Variants in EPHB1 observed in about 807,000 individuals in gnomAD.
The protein encoded by EPHB1 is ephrin type-B receptor 1.
Under a neutral mutation model 94.4 loss-of-function variants are expected in EPHB1, and 30 were observed. The observed-to-expected ratio is 0.32, with a 90% confidence interval of 0.24 to 0.43. The LOEUF is 0.43. Among genes scored for constraint, EPHB1 ranks in the 20% least tolerant of loss-of-function variants. The pLI, the probability that EPHB1 is intolerant of heterozygous loss-of-function variation, is 1.00. For missense variants in EPHB1, 1,055 were observed against 1,308.3 expected (o/e 0.81, Z 2.99); for synonymous variants, 522 against 489.1 (o/e 1.07, Z -0.89).
At position 134,825,943 on chromosome 3, in the gene EPHB1, C is replaced by A. The variant is rs560770453; in HGVS notation, c.58+30254C>A. Among the ~76,000 whole-genome samples, 11 of 152,156 alleles carry A rather than the reference C, an allele frequency of 7.2e-5. 1 individual carries two copies. In the South Asian group the frequency reaches 2.1e-3, roughly 29 times the overall value. Reference sequence around the variant, plus strand: ...CATTTTATTTTACTTCAACTATCATCTATAAAAGGCAATTGAGACTGGGTG... The same window carrying A: ...CATTTTATTTTACTTCAACTATCATATATAAAAGGCAATTGAGACTGGGTG... On this transcript the variant is annotated intron_variant, in intron 1 of 15. Coordinates refer to ENST00000398015, the MANE Select transcript of EPHB1 (RefSeq NM_004441.5).
intron 15 of EPHB1, among the ~76,000 whole-genome samples, chr3:135,255,127 C>T (rs926786982): frequency 1.5e-4 from 23 of 151,898 alleles, no homozygotes; most frequent in South Asian, 4.2e-4. Flanking sequence ...GTCTTGCTAG[C>T]GGTCTATCAA....
At chr3:134,980,503 C>T (rs753938653) in intron 3 of EPHB1, among the ~76,000 whole-genome samples, 7 of 152,196 alleles carry the variant, frequency 4.6e-5, no homozygotes, top group Non-Finnish European at 1.0e-4. Flanking sequence ...TTTACTTACA[C>T]TCACAAGAAA....
At chr3:134,898,158 GCACA>G (rs2038122951) in intron 1 of EPHB1, among the ~76,000 whole-genome samples, 1 of 152,162 alleles carries the variant, frequency 6.6e-6, no homozygotes, top group Non-Finnish European at 1.5e-5. Flanking sequence ...GGGGGTGACT[GCACA>G]TGGGCCAAGC....
intron 13 of EPHB1, among the ~76,000 whole-genome samples, chr3:135,243,132 C>T (rs985966601): frequency 4.0e-5 from 6 of 151,582 alleles, no homozygotes; most frequent in African/African-American, 1.5e-4. Flanking sequence ...CCATCTTATC[C>T]TGCCCAAGAC....
At chr3:135,156,058 C>T (rs778479879) in intron 6 of EPHB1, among the ~76,000 whole-genome samples, 2 of 151,876 alleles carry the variant, frequency 1.3e-5, no homozygotes, top group South Asian at 2.1e-4. Flanking sequence ...AGTTGGATTT[C>T]GGGCATGGGA....
intron 3 of EPHB1, among the ~76,000 whole-genome samples, chr3:135,076,261 A>G (rs182230709): frequency 4.4e-5 from 5 of 112,580 alleles, no homozygotes; most frequent in East Asian, 4.5e-4. Context: ...ATATATATAT[A>G]ACTCTTAAAT....
chr3:135,156,127 T>C (rs747593184), intron 6 of EPHB1, among the ~76,000 whole-genome samples: 1 of 151,904 alleles, frequency 6.6e-6, no homozygotes, highest in Non-Finnish European at 1.5e-5. Flanking sequence ...AGGTGATCAC[T>C]GTGGGTAGAG....
intron 1 of EPHB1, among the ~76,000 whole-genome samples, chr3:134,802,677 C>T (rs1434524748): frequency 6.6e-6 from 1 of 152,202 alleles, no homozygotes; most frequent in Non-Finnish European, 1.5e-5. Flanking sequence ...CCACTGGTAC[C>T]ATGTAGCATT....
At chr3:134,992,285 A>G (rs528774272) in intron 3 of EPHB1, among the ~76,000 whole-genome samples, 2 of 152,052 alleles carry the variant, frequency 1.3e-5, no homozygotes, top group Non-Finnish European at 2.9e-5. Context: ...GTCTGTTTTC[A>G]GGGCCCTGCT....
At chr3:134,890,086 C>T (rs948896563) in intron 1 of EPHB1, among the ~76,000 whole-genome samples, 9 of 152,158 alleles carry the variant, frequency 5.9e-5, no homozygotes, top group Admixed American at 2.6e-4. Flanking sequence ...ATATACTCTA[C>T]AAACGCAGAG....
intron 9 of EPHB1, among the ~76,000 whole-genome samples, chr3:135,175,135 C>A (rs1029105149): frequency 6.6e-6 from 1 of 152,166 alleles, no homozygotes; most frequent in African/African-American, 2.4e-5. Flanking sequence ...TGACCCTTTC[C>A]AGCCCTCTTC....
rs1040285096 is a variant in EPHB1, at chr3:134,839,212, C to T, written c.58+43523C>T. On this transcript the variant is annotated intron_variant, in intron 1 of 15. Transcript: ENST00000398015. ...CAGGCCAAGGACCAGACTTGTCTTT[C>T]TTCCCTCACTGCCTCCTAATTCTGC... Among the ~76,000 whole-genome samples, 31 of 152,192 alleles carry T rather than the reference C, an allele frequency of 2.0e-4. 1 individual carries two copies. Among genetic ancestry groups the T allele is most frequent in the Admixed American group, 1.4e-3 (21 of 15,274 alleles).
intron 4 of EPHB1, among the ~76,000 whole-genome samples, chr3:135,111,991 G>C (rs1045855596): frequency 4.2e-4 from 64 of 152,344 alleles, no homozygotes; most frequent in African/African-American, 1.5e-3. Context: ...TTTCACTCTT[G>C]AGTGGTCAGA....
In EPHB1 at chr3:135,052,100, A is replaced by C. The variant is rs556505409; in HGVS notation, c.806-54348A>C. Among the ~76,000 whole-genome samples, 3 of 152,354 alleles carry C rather than the reference A, an allele frequency of 2.0e-5. No individual in the cohort carries two copies. In the South Asian group the frequency reaches 6.2e-4, roughly 32 times the overall value. On this transcript the variant is annotated intron_variant, in intron 3 of 15. Coordinates refer to ENST00000398015, the MANE Select transcript of EPHB1 (RefSeq NM_004441.5). ...TCCTAGGAAAGCAAGATTTGGCTCT[A>C]TTTGAGCATTTAGAGAAAAAATTCC...
chr3:135,030,052 C>T (rs899312832), intron 3 of EPHB1, among the ~76,000 whole-genome samples: 1 of 150,992 alleles, frequency 6.6e-6, no homozygotes, highest in African/African-American at 2.4e-5. Flanking sequence ...ACGTAGTTCT[C>T]GAGCCTTGGT....
intron 3 of EPHB1, among the ~76,000 whole-genome samples, chr3:135,068,287 T>C (rs1038709156): frequency 2.0e-5 from 3 of 152,234 alleles, no homozygotes; most frequent in African/African-American, 7.2e-5. Flanking sequence ...CATTTTACAT[T>C]CCAGCAATGT....
At chr3:134,880,815 G>T (rs911655280) in intron 1 of EPHB1, among the ~76,000 whole-genome samples, 1 of 152,250 alleles carries the variant, frequency 6.6e-6, no homozygotes, top group African/African-American at 2.4e-5. Context: ...AATCCCAAGT[G>T]TGTCTTCACA....
At chr3:135,120,535 A>C (rs569796573) in intron 4 of EPHB1, among the ~76,000 whole-genome samples, 1 of 152,228 alleles carries the variant, frequency 6.6e-6, no homozygotes, top group African/African-American at 2.4e-5. Context: ...CTGACCACCA[A>C]GGTTTCATTG....
At chr3:135,034,015 T>C (rs1006632166) in intron 3 of EPHB1, among the ~76,000 whole-genome samples, 1 of 152,134 alleles carries the variant, frequency 6.6e-6, no homozygotes, top group Non-Finnish European at 1.5e-5. Flanking sequence ...TATTTAAACA[T>C]TCATTATTCA....
Sources: allele counts gnomAD v4.1 joint callset (sites outside exome capture counted in the v4.1 genomes callset), GRCh38; gene constraint gnomAD v4.1.1; transcripts MANE v1.5; gene names NCBI Gene and HGNC (gene_info 2026-07-23, HGNC 2026-07-21).